The following ECPAS variants were observed in gnomAD, a reference collection of about 807,000 sequenced individuals.
ECPAS encodes the protein proteasome adapter and scaffold protein ECM29.
Under a neutral mutation model 255.1 loss-of-function variants are expected in ECPAS, and 70 were observed. The observed-to-expected ratio is 0.27, with a 90% CI of 0.23 to 0.33. The LOEUF (loss-of-function observed/expected upper bound fraction) is 0.33, where lower values mean the gene tolerates loss of function less well. ECPAS is among the 10% of genes least tolerant of loss of function. The pLI is 1.00. For synonymous variants in ECPAS, 784 were observed against 775.0 expected (o/e 1.01, Z -0.19); for missense variants, 1,817 against 2,206.4 (o/e 0.82, Z 3.54).
At chr9:111,381,621 A>C (rs1171666917) in intron 35 of ECPAS, among the ~76,000 whole-genome samples, 1 of 152,246 alleles carries the variant, frequency 6.6e-6, no homozygotes, top group Non-Finnish European at 1.5e-5. Context: ...TTTCTCAGAA[A>C]TATCCTTGTC....
chr9:111,368,890 CA>C, intron 46 of ECPAS, 144 bp downstream of exon 46: 1 of 743,598 alleles, frequency 1.3e-6, no homozygotes, highest in East Asian at 3.2e-5. Context: ...CTCATGTAGA[CA>C]AAAAACTTTC....
intron 1 of ECPAS, among the ~76,000 whole-genome samples, chr9:111,476,597 T>C (rs1048167039): frequency 1.4e-5 from 2 of 144,938 alleles, no homozygotes; most frequent in African/African-American, 5.0e-5. Context: ...TTTTTTTTTT[T>C]TGAGATGGAG....
At chr9:111,377,413 G>A (rs1773002333) in intron 36 of ECPAS, among the ~76,000 whole-genome samples, 1 of 152,128 alleles carries the variant, frequency 6.6e-6, no homozygotes, top group Admixed American at 6.5e-5. Flanking sequence ...GCTAGGAAAA[G>A]AGTGCAAATC....
chr9:111,465,590 T>C (rs1183774406), intron 2 of ECPAS, among the ~76,000 whole-genome samples: 1 of 136,222 alleles, frequency 7.3e-6, no homozygotes, highest in Non-Finnish European at 1.5e-5. Context: ...TAATTCGTTA[T>C]TTTTAAAAGA....
At chr9:111,369,794 T>C (rs1410220574) in intron 45 of ECPAS, among the ~76,000 whole-genome samples, 1 of 152,118 alleles carries the variant, frequency 6.6e-6, no homozygotes, top group Non-Finnish European at 1.5e-5. Flanking sequence ...ATTTTCCACA[T>C]GAAACTTGAG....
chr9:111,392,526 C>T (rs1341198309), intron 28 of ECPAS, among the ~76,000 whole-genome samples: 1 of 152,184 alleles, frequency 6.6e-6, no homozygotes, highest in Non-Finnish European at 1.5e-5. Flanking sequence ...ATTTTTCTAA[C>T]CCAATACATT....
At chr9:111,433,498 T>C (rs1378286891) in intron 7 of ECPAS, 126 bp from the exon 8 acceptor site, 3 of 834,584 alleles carry the variant, frequency 3.6e-6, no homozygotes, top group Non-Finnish European at 5.8e-6. Flanking sequence ...TAGCAGCTCC[T>C]ACTTAGGCTT....
intron 1 of ECPAS, among the ~76,000 whole-genome samples, chr9:111,473,928 C>T (rs1392454032): frequency 6.6e-6 from 1 of 152,116 alleles, no homozygotes; most frequent in Non-Finnish European, 1.5e-5. Flanking sequence ...AATCACACCA[C>T]TGTACTTCAG....
chr9:111,484,104 CG>C lies in ECPAS; in HGVS notation c.-83+11del. 1 of 1,355,000 alleles carries C rather than the reference CG, an allele frequency of 7.4e-7. No individual in the cohort carries two copies. The highest frequency in any genetic ancestry group is 1.7e-5 in the South Asian group (1 of 59,958). The allele number at this position is 1,355,000 out of a possible 1,614,324, so 83.9% of individuals were successfully genotyped here. A position where few individuals can be genotyped will look rare whatever the true frequency, so the allele number is the denominator to read the frequency against. On this transcript the variant is annotated intron_variant, in intron 1 of 49. Transcript: ENST00000684092. ...GGGCCAGTCCCCCGCGGCCCGGGGG[CG>C]GGCCTCTGACCTGAGTCGGAGCCGG...
At chr9:111,416,949 T>C (rs1205370221) in intron 17 of ECPAS, among the ~76,000 whole-genome samples, 2 of 152,192 alleles carry the variant, frequency 1.3e-5, no homozygotes, top group African/African-American at 4.8e-5. Context: ...GGATGCTCTC[T>C]TATGAACACG....
At chr9:111,429,776 G>A (rs1007875717) in intron 9 of ECPAS, among the ~76,000 whole-genome samples, 1 of 152,194 alleles carries the variant, frequency 6.6e-6, no homozygotes, top group Non-Finnish European at 1.5e-5. Context: ...GACTGAGGCA[G>A]GAGCACAGCT....
chr9:111,369,105 G>C lies in ECPAS; in HGVS notation c.5043C>G (p.Leu1681=), dbSNP rs1300071038. The C allele has an allele frequency of 1.2e-6, 2 of 1,607,512 alleles. No individual in the cohort carries two copies. The highest frequency in any genetic ancestry group is 1.3e-5 in the African/African-American group (1 of 74,460). ...NEEENEKEKE[L]QLEYLLGAFE... ...AGGCACCCAGCAGATATTCCAGCTG[G>C]AGCTCCTTTTCCTTTTCATTCTCCT... The change falls in exon 46 of 50, where the codon CTC becomes CTG. Residue 1681 remains leucine (L), a synonymous_variant. Coordinates refer to ENST00000684092, the MANE Select transcript of ECPAS (RefSeq NM_001364929.1).
intron 9 of ECPAS, among the ~76,000 whole-genome samples, chr9:111,429,517 G>A (rs2098226733): frequency 6.6e-6 from 1 of 152,108 alleles, no homozygotes; most frequent in Admixed American, 6.6e-5. Flanking sequence ...TTTTCTACAT[G>A]AAGAACATGA....
At chr9:111,370,379 T>G (rs2098125871) in intron 45 of ECPAS, 56 bp downstream of exon 45, 1 of 1,249,438 alleles carries the variant, frequency 8.0e-7, no homozygotes, top group African/African-American at 1.5e-5. Context: ...GAAAACAATT[T>G]TTTAACTTTT....
chr9:111,482,823 C>A (rs1362263136), intron 1 of ECPAS, among the ~76,000 whole-genome samples: 1 of 151,134 alleles, frequency 6.6e-6, no homozygotes, highest in African/African-American at 2.5e-5. Context: ...CGAACCCCGG[C>A]GGCGGGCGGG....
intron 12 of ECPAS, among the ~76,000 whole-genome samples, 174 bp downstream of exon 12, chr9:111,425,244 C>A (rs1460611289): frequency 1.3e-5 from 2 of 150,874 alleles, no homozygotes; most frequent in Admixed American, 6.6e-5. Flanking sequence ...TATTTCCCCC[C>A]AAAAAAGCAA....
chr9:111,447,918 A>C (rs1031032996), intron 3 of ECPAS, among the ~76,000 whole-genome samples: 12 of 152,160 alleles, frequency 7.9e-5, no homozygotes, highest in African/African-American at 2.9e-4. Flanking sequence ...CAGTGTTGAC[A>C]GTTTGATAAC....
intron 4 of ECPAS, among the ~76,000 whole-genome samples, chr9:111,443,084 G>A (rs2098248051): frequency 6.6e-6 from 1 of 152,176 alleles, no homozygotes; most frequent in South Asian, 2.1e-4. Context: ...AATCAGGTAA[G>A]TATAACGTAA....
chr9:111,365,302 T>C (rs972426562), intron 48 of ECPAS, among the ~76,000 whole-genome samples: 9 of 149,776 alleles, frequency 6.0e-5, no homozygotes, highest in African/African-American at 2.2e-4. Context: ...ATCATCATCA[T>C]CATCATCATC....
Sources: gnomAD v4.1 joint callset for allele counts (sites outside exome capture counted in the v4.1 genomes callset) on GRCh38, gnomAD v4.1.1 for gene constraint, MANE v1.5 for transcripts, NCBI Gene and HGNC (gene_info 2026-07-23, HGNC 2026-07-21) for gene names.